FGL1: variants seen among roughly 807,000 people sequenced by gnomAD.
FGL1 encodes fibrinogen-like protein 1.
A neutral mutation model predicts 43.7 loss-of-function variants in FGL1; 59 were observed. That is an observed-to-expected ratio of 1.35 (90% CI 1.10 to 1.68). FGL1 has a LOEUF of 1.68. FGL1 is among the 40% of genes most tolerant of loss of function. The probability of loss-of-function intolerance (pLI) is 0.00; values close to 1 mark genes in which losing one functional copy is unlikely to be tolerated. For missense variants in FGL1, 596 were observed against 373.0 expected (o/e 1.60, Z -4.92); for synonymous variants, 192 against 126.5 (o/e 1.52, Z -3.48).
intron 1 of FGL1, among the ~76,000 whole-genome samples, chr8:17,887,803 C>G (rs1257230301): frequency 6.6e-6 from 1 of 150,652 alleles, no homozygotes; most frequent in East Asian, 1.9e-4. Context: ...CCACTGCACT[C>G]CAGCCCAGGT....
intron 5 of FGL1, among the ~76,000 whole-genome samples, chr8:17,873,127 C>T (rs200429064): frequency 1.3e-5 from 2 of 152,090 alleles, no homozygotes; most frequent in Non-Finnish European, 2.9e-5. Flanking sequence ...CAATTGTTCA[C>T]CTCTCTCTCA....
chr8:17,876,287 A>G (rs1005580880), intron 3 of FGL1, among the ~76,000 whole-genome samples: 2 of 151,848 alleles, frequency 1.3e-5, no homozygotes, highest in Admixed American at 1.3e-4. Context: ...CAAATTTACA[A>G]CTCTCTTGTT....
chr8:17,864,951 T>A (rs963256052), intron 7 of FGL1, among the ~76,000 whole-genome samples, 200 bp from the exon 8 acceptor site: 4 of 152,116 alleles, frequency 2.6e-5, no homozygotes, highest in African/African-American at 4.8e-5. Flanking sequence ...TTTTATTTTT[T>A]AATTTTTTTT....
chr8:17,878,663 G>A (rs1400973930), intron 3 of FGL1, among the ~76,000 whole-genome samples: 1 of 152,122 alleles, frequency 6.6e-6, no homozygotes, highest in Non-Finnish European at 1.5e-5. Context: ...AAAATCATGT[G>A]CCTAGTGCAT....
Position 17,874,140 on chromosome 8 carries a change from G to A in FGL1, c.405-24C>T, listed in dbSNP as rs377713527. On this transcript the variant is annotated intron_variant, in intron 4 of 7. Coordinates refer to ENST00000427924, the MANE Select transcript of FGL1 (RefSeq NM_004467.4). Reference sequence around the variant, plus strand: ...CTCTAAAAAAGGTAAAGTGGAAGCCGATTAGAGCAAACTCCATTTGTGGTA... The same window carrying A: ...CTCTAAAAAAGGTAAAGTGGAAGCCAATTAGAGCAAACTCCATTTGTGGTA... 84 of 1,581,870 alleles carry A rather than the reference G, an allele frequency of 5.3e-5. 1 individual carries two copies. The highest frequency in any genetic ancestry group is 1.7e-4 in the Middle Eastern group (1 of 6,008).
Position 17,882,132 on chromosome 8 carries a change from C to A in FGL1, c.111G>T (p.Val37=). The change falls in exon 3 of 8, where the codon GTG becomes GTT. Residue 37 remains valine (V), a synonymous_variant. Coordinates refer to ENST00000427924, the MANE Select transcript of FGL1 (RefSeq NM_004467.4). ...AQEQMRLRAQ[V]RLLETRVKQQ... ...GTTTGACCCGGGTCTCAAGCAGGCG[C>A]ACCTGGGCTCTGAGCCGCATCTGCT... 1 of 1,614,006 alleles carries A rather than the reference C, an allele frequency of 6.2e-7. No homozygotes were observed. The highest frequency in any genetic ancestry group is 1.1e-5 in the South Asian group (1 of 91,074).
chr8:17,882,158 C>G lies in FGL1; in HGVS notation c.85G>C (p.Glu29Gln), dbSNP rs776058065. 2.5e-6 allele frequency: 4 copies of G among 1,613,816 alleles called. No individual in the cohort carries two copies. Among genetic ancestry groups the G allele is most frequent in the South Asian group, 1.1e-5 (1 of 91,046 alleles). ...ACCTGGGCTCTGAGCCGCATCTGCTCCTGGGCACAGTCCTCGAGCGCCTGC... is the reference window on the plus strand; with the variant it reads ...ACCTGGGCTCTGAGCCGCATCTGCTGCTGGGCACAGTCCTCGAGCGCCTGC... Reference protein sequence around the residue: ...EISALEDCAQEQMRLRAQVRL... With the variant: ...EISALEDCAQQQMRLRAQVRL... The change falls in exon 3 of 8, where the codon GAG becomes CAG. Residue 29 changes from glutamate to glutamine, a missense_variant. Coordinates refer to ENST00000427924, the MANE Select transcript of FGL1 (RefSeq NM_004467.4).
intron 3 of FGL1, among the ~76,000 whole-genome samples, chr8:17,879,896 A>T (rs1289303434): frequency 6.6e-6 from 1 of 152,098 alleles, no homozygotes; most frequent in South Asian, 2.1e-4. Flanking sequence ...CTGTGCCAAT[A>T]ACCTGCTCAG....
intron 3 of FGL1, among the ~76,000 whole-genome samples, chr8:17,877,947 T>A (rs2053480834): frequency 6.6e-6 from 1 of 152,180 alleles, no homozygotes; most frequent in African/African-American, 2.4e-5. Context: ...ATGTTAAATA[T>A]ATTAACTCAT....
chr8:17,884,195 C>G (rs565294550), intron 2 of FGL1, among the ~76,000 whole-genome samples: 3 of 150,014 alleles, frequency 2.0e-5, no homozygotes, highest in East Asian at 4.0e-4. Flanking sequence ...CCTTCTCTCT[C>G]TCTCTCTCTT....
At chr8:17,888,763 T>G (rs911932145) in intron 1 of FGL1, among the ~76,000 whole-genome samples, 2 of 152,164 alleles carry the variant, frequency 1.3e-5, no homozygotes, top group Non-Finnish European at 2.9e-5. Flanking sequence ...CCATTTAAAC[T>G]GAATTACAGT....
At chr8:17,870,737 C>G (rs529613755) in intron 5 of FGL1, among the ~76,000 whole-genome samples, 1 of 152,070 alleles carries the variant, frequency 6.6e-6, no homozygotes, top group South Asian at 2.1e-4. Context: ...GAAACCCTGT[C>G]TCTATTAAAA....
Position 17,891,721 on chromosome 8 carries a change from A to T in FGL1, c.-18+3726T>A, listed in dbSNP as rs1186590144. ...AGAACTTCCCAGGATCTGTTATTGT[A>T]ATTTCACAGTTGCTTATGGGAGATC... On this transcript the variant is annotated intron_variant, in intron 1 of 7. Transcript: ENST00000427924. 8.1e-6 allele frequency: 8 copies of T among 984,876 alleles called. No homozygotes were observed. In the East Asian group the frequency reaches 4.5e-4, roughly 56 times the overall value. 61.0% of individuals were successfully genotyped at this position (984,876 alleles called of 1,614,324 possible). A position where few individuals can be genotyped will look rare whatever the true frequency, so the allele number is the denominator to read the frequency against.
chr8:17,890,242 A>C (rs372294538), intron 1 of FGL1, among the ~76,000 whole-genome samples: 1 of 152,214 alleles, frequency 6.6e-6, no homozygotes, highest in African/African-American at 2.4e-5. Context: ...CCAATGGAAG[A>C]TTCCAAACAA....
chr8:17,872,849 G>T (rs1223799813), intron 5 of FGL1, among the ~76,000 whole-genome samples: 1 of 152,110 alleles, frequency 6.6e-6, no homozygotes, highest in Non-Finnish European at 1.5e-5. Flanking sequence ...AAAGTATATA[G>T]GGAGACATCC....
intron 1 of FGL1, among the ~76,000 whole-genome samples, chr8:17,888,607 T>C (rs577127710): frequency 3.5e-4 from 54 of 152,344 alleles, no homozygotes; most frequent in African/African-American, 1.2e-3. Context: ...ATGTTTTCTT[T>C]TGTTTTTCTT....
At chr8:17,881,396 A>G (rs989441743) in intron 3 of FGL1, among the ~76,000 whole-genome samples, 13 of 151,574 alleles carry the variant, frequency 8.6e-5, no homozygotes, top group African/African-American at 2.4e-4. Flanking sequence ...AGGCCTCCCA[A>G]CGTGCTGGGA....
chr8:17,874,324 G>C lies in FGL1; in HGVS notation c.404+38C>G, dbSNP rs1429750672. 5.7e-6 allele frequency: 9 copies of C among 1,581,640 alleles called. No individual in the cohort carries two copies. In the Admixed American group the frequency reaches 1.1e-4, roughly 19 times the overall value. On this transcript the variant is annotated intron_variant, in intron 4 of 7. Transcript: ENST00000427924. ...TATTTGACTTATAAATCTCACATTT[G>C]CTGCTACATATAAAGTCTTACATCA...
At chr8:17,874,696 A>T (rs2053418977) in intron 3 of FGL1, 175 bp from the exon 4 acceptor site, 1 of 419,166 alleles carries the variant, frequency 2.4e-6, no homozygotes, top group African/African-American at 2.0e-5. Flanking sequence ...GGAAAGTTTT[A>T]TTTCCTTTGC....
Sources: gnomAD v4.1 joint callset for allele counts (sites outside exome capture counted in the v4.1 genomes callset) on GRCh38, gnomAD v4.1.1 for gene constraint, MANE v1.5 for transcripts, NCBI Gene and HGNC (gene_info 2026-07-23, HGNC 2026-07-21) for gene names.